MEIS1: variants seen among roughly 807,000 people sequenced by gnomAD.
The protein encoded by MEIS1 is Meis homeobox 1, also known as homeobox protein Meis1.
Under a neutral mutation model 50.8 loss-of-function variants are expected in MEIS1, and 5 were observed. The ratio of observed to expected loss-of-function variants is 0.10; its 90% CI spans 0.05 to 0.21. MEIS1 has a LOEUF of 0.21. Ranked by LOEUF, MEIS1 falls within the 10% of genes least tolerant of loss-of-function variation. The pLI is 1.00. For synonymous variants in MEIS1, 176 were observed against 179.3 expected, an observed-to-expected ratio of 0.98 and a Z score of 0.15; for missense variants, 318 against 517.3, an observed-to-expected ratio of 0.61 and a Z score of 3.74.
intron 7 of MEIS1, among the ~76,000 whole-genome samples, chr2:66,475,280 AT>A (rs1558532012): frequency 6.8e-6 from 1 of 146,772 alleles, no homozygotes; most frequent in African/African-American, 2.5e-5. Context: ...TATATTATAT[AT>A]AAAAATATAA....
At chr2:66,555,895 C>G (rs1454457135) in intron 9 of MEIS1, among the ~76,000 whole-genome samples, 2 of 152,132 alleles carry the variant, frequency 1.3e-5, no homozygotes, top group African/African-American at 4.8e-5. Context: ...TGGAGTGGAG[C>G]CAGGGGCTCG....
chr2:66,488,883 C>T (rs1383064155), intron 7 of MEIS1, among the ~76,000 whole-genome samples: 5 of 152,076 alleles, frequency 3.3e-5, no homozygotes, highest in South Asian at 2.1e-4. Flanking sequence ...GCATTAAAAG[C>T]GGGGAGGTAA....
At chr2:66,449,909 T>C (rs1672240411) in intron 6 of MEIS1, among the ~76,000 whole-genome samples, 1 of 152,134 alleles carries the variant, frequency 6.6e-6, no homozygotes, top group Non-Finnish European at 1.5e-5. Context: ...CTATCAAGGG[T>C]TGATTCTCTG....
intron 10 of MEIS1, chr2:66,568,295 T>C (rs1675399064): frequency 5.3e-6 from 1 of 189,422 alleles, no homozygotes; most frequent in Non-Finnish European, 1.1e-5. Flanking sequence ...AGTCTTTACT[T>C]TCTTTATGAA....
rs1675513605 is a variant in MEIS1, at chr2:66,573,084, A to C, written c.*1876A>C. On this transcript the variant is annotated 3_prime_UTR_variant, in exon 13 of 13. Transcript: ENST00000272369. ...ACAAAGTTAAGTCTTTTACTAAAGG[A>C]TGTTACCTAGGATGAGCAGTATATG... 1 of 152,204 alleles carries C rather than the reference A, an allele frequency of 6.6e-6. No individual in the cohort carries two copies. The highest frequency in any genetic ancestry group is 1.5e-5 in the Non-Finnish European group (1 of 68,030). The allele number at this position is 152,204 out of a possible 1,614,324, so 9.4% of individuals were successfully genotyped here.
chr2:66,551,197 C>T (rs1674910153), intron 9 of MEIS1, among the ~76,000 whole-genome samples: 4 of 152,134 alleles, frequency 2.6e-5, no homozygotes, highest in Admixed American at 2.6e-4. Context: ...TAGGCTTTGA[C>T]TGAAAAATAG....
At chr2:66,439,560 T>A in intron 2 of MEIS1, 1 of 1,520,856 alleles carries the variant, frequency 6.6e-7, no homozygotes, top group Admixed American at 2.0e-5. Flanking sequence ...AACGCTTGGG[T>A]TTTATTCGTA....
At chr2:66,516,123 G>C (rs1192714780) in intron 8 of MEIS1, among the ~76,000 whole-genome samples, 1 of 152,004 alleles carries the variant, frequency 6.6e-6, no homozygotes, top group Admixed American at 6.6e-5. Flanking sequence ...AAAAATCAAG[G>C]GTCTCTTTTC....
intron 8 of MEIS1, among the ~76,000 whole-genome samples, chr2:66,526,887 C>T (rs1396446472): frequency 6.6e-6 from 1 of 152,180 alleles, no homozygotes; most frequent in Non-Finnish European, 1.5e-5. Flanking sequence ...TCATTGAGCC[C>T]TGTGAGTCTC....
chr2:66,470,011 G>GAA (rs1672730126), intron 7 of MEIS1, among the ~76,000 whole-genome samples: 2 of 151,908 alleles, frequency 1.3e-5, no homozygotes, highest in African/African-American at 2.4e-5. Context: ...GAAGGAAAAT[G>GAA]GTTACAAACG....
At chr2:66,442,178 T>C (rs996255920) in intron 5 of MEIS1, among the ~76,000 whole-genome samples, 1 of 151,888 alleles carries the variant, frequency 6.6e-6, no homozygotes, top group Non-Finnish European at 1.5e-5. Context: ...CTGGGGTTTC[T>C]TGTGAATTTT....
chr2:66,567,107 CT>C (rs1284617627), intron 9 of MEIS1, among the ~76,000 whole-genome samples: 6 of 152,188 alleles, frequency 3.9e-5, no homozygotes, highest in African/African-American at 1.2e-4. Context: ...GCATCTAACT[CT>C]TTACACCAAT....
chr2:66,509,417 T>A (rs1156718334), intron 7 of MEIS1, among the ~76,000 whole-genome samples: 1 of 152,190 alleles, frequency 6.6e-6, no homozygotes, highest in Non-Finnish European at 1.5e-5. Flanking sequence ...AACCCAGCAG[T>A]GTAATTTCCC....
chr2:66,474,328 C>G (rs371735586), intron 7 of MEIS1, among the ~76,000 whole-genome samples: 3 of 152,118 alleles, frequency 2.0e-5, no homozygotes, highest in African/African-American at 7.2e-5. Context: ...AGACTGAATT[C>G]TGAGACAGGA....
intron 7 of MEIS1, among the ~76,000 whole-genome samples, chr2:66,478,905 G>T (rs1261073986): frequency 6.6e-6 from 1 of 152,180 alleles, no homozygotes; most frequent in African/African-American, 2.4e-5. Flanking sequence ...ACACATTATT[G>T]TTGGTGAGTA....
chr2:66,445,684 C>T (rs1672115631), intron 6 of MEIS1, among the ~76,000 whole-genome samples: 1 of 152,024 alleles, frequency 6.6e-6, no homozygotes, highest in Non-Finnish European at 1.5e-5. Context: ...CTGTTTTCCT[C>T]GGAGGGCGCG....
At chr2:66,524,300 G>T (rs534509752) in intron 8 of MEIS1, among the ~76,000 whole-genome samples, 10 of 152,278 alleles carry the variant, frequency 6.6e-5, no homozygotes, top group African/African-American at 2.2e-4. Flanking sequence ...AGTGGCTGTT[G>T]CCTGTAGTCC....
chr2:66,495,805 G>C (rs1041384729), intron 7 of MEIS1, among the ~76,000 whole-genome samples: 1 of 152,194 alleles, frequency 6.6e-6, no homozygotes, highest in Non-Finnish European at 1.5e-5. Flanking sequence ...ACCTAATCTG[G>C]ATCTAGAAAT....
chr2:66,460,955 A>T (rs550669811), intron 6 of MEIS1, among the ~76,000 whole-genome samples: 56 of 152,330 alleles, frequency 3.7e-4, no homozygotes, highest in African/African-American at 1.3e-3. Flanking sequence ...TCCATAGGTG[A>T]TTCTGGACCT....
Sources: gnomAD v4.1 joint callset for allele counts (sites outside exome capture counted in the v4.1 genomes callset) on GRCh38, gnomAD v4.1.1 for gene constraint, MANE v1.5 for transcripts, NCBI Gene and HGNC (gene_info 2026-07-23, HGNC 2026-07-21) for gene names.